Variants in NUDT13 observed in about 807,000 individuals in gnomAD.
The protein encoded by NUDT13 is NAD(P)H pyrophosphatase NUDT13, mitochondrial.
A neutral mutation model predicts 41.7 loss-of-function variants in NUDT13; 40 were observed. The observed-to-expected ratio is 0.96, with a 90% CI of 0.75 to 1.25. NUDT13 has a LOEUF of 1.25. Among genes scored for constraint, NUDT13 ranks in the 50% most tolerant of loss-of-function variants. NUDT13 has a pLI of 0.00. For synonymous variants in NUDT13, 145 were observed against 155.5 expected, an observed-to-expected ratio of 0.93 and a Z score of 0.50; for missense variants, 390 against 416.1, an observed-to-expected ratio of 0.94 and a Z score of 0.55.
intron 8 of NUDT13, among the ~76,000 whole-genome samples, chr10:73,128,972 C>A (rs780966053): frequency 2.4e-4 from 37 of 151,882 alleles, no homozygotes; most frequent in Non-Finnish European, 4.7e-4. Flanking sequence ...CCAATTTTCC[C>A]AACACTGTTT....
chr10:73,124,315 TC>T lies in NUDT13; in HGVS notation c.462del (p.Thr155ArgfsTer38). 1 of 1,606,354 alleles carries T rather than the reference TC, an allele frequency of 6.2e-7. No homozygotes were observed. The highest frequency in any genetic ancestry group is 8.5e-7 in the Non-Finnish European group (1 of 1,173,818). ...QLNARDASLL[S>X]TAQALLRWHD... Reference sequence around the variant, plus strand: ...CAATGCAAGGGATGCCTCCTTGCTGTCCACGGTAGATTCTGATTTCTCATTC... The same window carrying T: ...CAATGCAAGGGATGCCTCCTTGCTGTCACGGTAGATTCTGATTTCTCATTC... On this transcript the variant is annotated frameshift_variant, in exon 5 of 9. Coordinates refer to ENST00000357321, the MANE Select transcript of NUDT13 (RefSeq NM_015901.6). LOFTEE classifies it high-confidence loss of function.
At chr10:73,114,109 C>T (rs1334346244) in intron 1 of NUDT13, among the ~76,000 whole-genome samples, 4 of 152,144 alleles carry the variant, frequency 2.6e-5, no homozygotes, top group African/African-American at 9.7e-5. Flanking sequence ...TTCATTCTTA[C>T]TCTAAGTGGG....
At chr10:73,111,407 T>G (rs1842364723) in intron 1 of NUDT13, among the ~76,000 whole-genome samples, 1 of 152,202 alleles carries the variant, frequency 6.6e-6, no homozygotes, top group African/African-American at 2.4e-5. Context: ...GGAGTCTCGC[T>G]CTGTCGCCCA....
chr10:73,125,106 T>G lies in NUDT13; in HGVS notation c.466-12T>G. 1 of 1,602,622 alleles carries G rather than the reference T, an allele frequency of 6.2e-7. No individual in the cohort carries two copies. Among genetic ancestry groups the G allele is most frequent in the Non-Finnish European group, 8.5e-7 (1 of 1,175,578 alleles). On this transcript the variant is annotated splice_polypyrimidine_tract_variant and intron_variant, in intron 5 of 8. Coordinates refer to ENST00000357321, the MANE Select transcript of NUDT13 (RefSeq NM_015901.6). The stretch of plus-strand genomic sequence containing the variant: ...TCTCCAAATGACACCAGGCCCATCA[T>G]TGTGTTCCTAGGCTCAAGCTCTTCT...
At chr10:73,111,160 A>T (rs1037551646) in intron 1 of NUDT13, among the ~76,000 whole-genome samples, 3 of 151,962 alleles carry the variant, frequency 2.0e-5, no homozygotes. Context: ...TTGTATTTTT[A>T]ACAGAGACGG....
At chr10:73,118,572 CT>C (rs1842569429) in intron 2 of NUDT13, among the ~76,000 whole-genome samples, 2 of 152,164 alleles carry the variant, frequency 1.3e-5, no homozygotes, top group Non-Finnish European at 2.9e-5. Context: ...TCAGCCCACC[CT>C]TAATGAAGGT....
At position 73,130,688 on chromosome 10, in the gene NUDT13, C is replaced by G; in HGVS notation, c.859-15C>G. 1 of 1,610,384 alleles carries G rather than the reference C, an allele frequency of 6.2e-7. No homozygotes were observed. The highest frequency in any genetic ancestry group is 2.2e-5 in the East Asian group (1 of 44,810). The stretch of plus-strand genomic sequence containing the variant: ...GCTCCTGACCTTACATCCTTTTCTT[C>G]CTTATGTCTTTCAGATCCAGGTGAA... On this transcript the variant is annotated splice_polypyrimidine_tract_variant and intron_variant, in intron 8 of 8. Coordinates refer to ENST00000357321, the MANE Select transcript of NUDT13 (RefSeq NM_015901.6).
chr10:73,130,349 G>A (rs1327669150), intron 8 of NUDT13: 2 of 152,500 alleles, frequency 1.3e-5, no homozygotes, highest in Non-Finnish European at 2.9e-5. Context: ...TGTAGTCCCA[G>A]CTACTCAGGA....
intron 4 of NUDT13, 44 bp downstream of exon 4, chr10:73,122,353 G>C (rs748453239): frequency 1.3e-6 from 2 of 1,533,180 alleles, no homozygotes; most frequent in East Asian, 2.4e-5. Flanking sequence ...GTGGTCTTCA[G>C]AATTTGGGAT....
In NUDT13 at chr10:73,125,190, G is replaced by C. The variant is rs373569335; in HGVS notation, c.538G>C (p.Val180Leu). ...AAGTGGGCAGCCCACCAAGAAGAAC[G>C]TGGCTGGCAGCAAGCGTGTGTGCCC... ...SRSGQPTKKN[V>L]AGSKRVCPSN... Residue 180 changes from valine to leucine, a missense_variant, in exon 6 of 9, where the codon GTG (valine) becomes CTG (leucine). Physicochemically the swap from Val to Leu is conservative, Grantham distance 32. Transcript: ENST00000357321. The C allele has an allele frequency of 6.2e-7, 1 of 1,613,584 alleles. No individual in the cohort carries two copies. The highest frequency in any genetic ancestry group is 8.5e-7 in the Non-Finnish European group (1 of 1,179,866).
chr10:73,112,476 A>G (rs957797381), intron 1 of NUDT13, among the ~76,000 whole-genome samples: 2 of 151,974 alleles, frequency 1.3e-5, no homozygotes, highest in South Asian at 2.1e-4. Context: ...TTTTTTCTCC[A>G]GCTTTATTAA....
intron 4 of NUDT13, among the ~76,000 whole-genome samples, chr10:73,123,489 G>C (rs1285791285): frequency 6.6e-6 from 1 of 152,062 alleles, no homozygotes; most frequent in Non-Finnish European, 1.5e-5. Flanking sequence ...TTCTTGCCCC[G>C]AAGAAGATCT....
At chr10:73,124,152 G>A (rs992169452) in intron 4 of NUDT13, 62 bp from the exon 5 acceptor site, 1 of 1,127,032 alleles carries the variant, frequency 8.9e-7, no homozygotes, top group Non-Finnish European at 1.3e-6. Flanking sequence ...GGATAGACTG[G>A]AGAGAGGCCC....
intron 1 of NUDT13, among the ~76,000 whole-genome samples, chr10:73,111,831 T>C (rs1842372728): frequency 6.6e-6 from 1 of 152,208 alleles, no homozygotes; most frequent in Admixed American, 6.5e-5. Flanking sequence ...TGGGGAACAG[T>C]GGCATGGAGG....
In NUDT13 at chr10:73,122,257, G is replaced by T. The variant is rs947699951; in HGVS notation, c.306G>T (p.Gln102His). ...TGCTGATTGGATGCTCTGAGCAGCA[G>T]GAAGCATGGTTTGCTCTGGATCTAG... ...DSVLIGCSEQ[Q>H]EAWFALDLGL... Residue 102 changes from glutamine to histidine, a missense_variant, in exon 4 of 9, where the codon CAG (glutamine) becomes CAT (histidine). Physicochemically the swap from Gln to His is conservative, Grantham distance 24 (BLOSUM62 0). Transcript: ENST00000357321. 1 of 1,614,108 alleles carries T rather than the reference G, an allele frequency of 6.2e-7. No homozygotes were observed. Among genetic ancestry groups the T allele is most frequent in the East Asian group, 2.2e-5 (1 of 44,882 alleles).
chr10:73,129,715 C>T (rs1247705981), intron 8 of NUDT13, among the ~76,000 whole-genome samples: 1 of 150,478 alleles, frequency 6.6e-6, no homozygotes, highest in African/African-American at 2.4e-5. Flanking sequence ...CAGTGGCTCA[C>T]GCCTGTAATC....
At chr10:73,111,461 C>CT (rs1842366077) in intron 1 of NUDT13, among the ~76,000 whole-genome samples, 3 of 152,142 alleles carry the variant, frequency 2.0e-5, no homozygotes, top group Admixed American at 6.5e-5. Context: ...ACAAGATGGG[C>CT]TTTTTTGTCA....
At position 73,120,077 on chromosome 10, in the gene NUDT13, C is replaced by G; in HGVS notation, c.143C>G (p.Ala48Gly). The change falls in exon 3 of 9, where the codon GCG becomes GGG. Residue 48 changes from alanine to glycine, a missense_variant. By Grantham distance (60) the Ala-to-Gly change is moderately conservative. Coordinates refer to ENST00000357321, the MANE Select transcript of NUDT13 (RefSeq NM_015901.6). Reference sequence around the variant, plus strand: ...TGTAAAAAAGCCCAGCAAACAGGAGCGTTTTACCTCTTTCATAGTCTGGCT... The same window carrying G: ...TGTAAAAAAGCCCAGCAAACAGGAGGGTTTTACCTCTTTCATAGTCTGGCT... Reference protein sequence around the residue: ...DACKKAQQTGAFYLFHSLAPL... With the variant: ...DACKKAQQTGGFYLFHSLAPL... 1 of 1,614,052 alleles carries G rather than the reference C, an allele frequency of 6.2e-7. No homozygotes were observed. The highest frequency in any genetic ancestry group is 8.5e-7 in the Non-Finnish European group (1 of 1,179,930).
chr10:73,113,554 C>T (rs1842423016), intron 1 of NUDT13, among the ~76,000 whole-genome samples: 1 of 152,194 alleles, frequency 6.6e-6, no homozygotes, highest in Non-Finnish European at 1.5e-5. Context: ...TGTTTTCTCT[C>T]TCCTGCTAGA....
Sources: gnomAD v4.1 joint callset for allele counts (sites outside exome capture counted in the v4.1 genomes callset) on GRCh38, gnomAD v4.1.1 for gene constraint, MANE v1.5 for transcripts, NCBI Gene and HGNC (gene_info 2026-07-23, HGNC 2026-07-21) for gene names.